ZBTB46: variants seen among roughly 807,000 people sequenced by gnomAD.
The protein encoded by ZBTB46 is zinc finger and BTB domain containing 46, also known as zinc finger and BTB domain-containing protein 46.
ZBTB46 carries 8 observed loss-of-function variants against 44.1 expected under a neutral mutation model. The ratio of observed to expected loss-of-function variants is 0.18; its 90% CI spans 0.11 to 0.33. The LOEUF is 0.33. ZBTB46 is among the 10% of genes least tolerant of loss of function. The pLI, the probability that ZBTB46 is intolerant of heterozygous loss-of-function variation, is 1.00. For synonymous variants in ZBTB46, 409 were observed against 382.3 expected, an observed-to-expected ratio of 1.07 and a Z score of -0.81; for missense variants, 651 against 847.7, an observed-to-expected ratio of 0.77 and a Z score of 2.88.
At chr20:63,833,283 T>C (rs1203177761), upstream of ZBTB46, among the ~76,000 whole-genome samples, 1 of 152,242 alleles carries the variant, frequency 6.6e-6, no homozygotes, top group Non-Finnish European at 1.5e-5. Context: ...AGGTTAGGGC[T>C]GCCTGTCTTG....
At chr20:63,799,275 A>G (rs1047263914) in intron 1 of ZBTB46, among the ~76,000 whole-genome samples, 8 of 152,004 alleles carry the variant, frequency 5.3e-5, no homozygotes, top group African/African-American at 1.9e-4. Flanking sequence ...GCTGGGCTCA[A>G]GCCATCCACC....
At chr20:63,829,160 G>A (rs1448981436) in intron 1 of ZBTB46, among the ~76,000 whole-genome samples, 1 of 152,190 alleles carries the variant, frequency 6.6e-6, no homozygotes. Flanking sequence ...GGGGAGGGAC[G>A]GAGGACGCAG....
At chr20:63,755,079 T>C (rs547452858) in intron 3 of ZBTB46, among the ~76,000 whole-genome samples, 222 of 152,350 alleles carry the variant, frequency 1.5e-3, no homozygotes, top group African/African-American at 5.3e-3. Flanking sequence ...AGAATGGACA[T>C]GAGCAGGACT....
At chr20:63,809,038 C>A (rs1368663300) in intron 1 of ZBTB46, among the ~76,000 whole-genome samples, 3 of 148,144 alleles carry the variant, frequency 2.0e-5, no homozygotes, top group Non-Finnish European at 4.5e-5. Flanking sequence ...CTCCATGATT[C>A]ATGAGGTAAG....
chr20:63,802,150 C>T (rs899246096), intron 1 of ZBTB46, among the ~76,000 whole-genome samples: 15 of 152,218 alleles, frequency 9.9e-5, no homozygotes, highest in Middle Eastern at 3.4e-3. Context: ...GGGCTGGACA[C>T]GATGGCTCAC....
chr20:63,767,831 G>A lies in ZBTB46; in HGVS notation c.1222+7847C>T. 1.0e-6 allele frequency: 1 copy of A among 972,418 alleles called. No individual in the cohort carries two copies. Among genetic ancestry groups the A allele is most frequent in the Non-Finnish European group, 1.2e-6 (1 of 818,046 alleles). 60.2% of individuals were successfully genotyped at this position (972,418 alleles called of 1,614,324 possible). A position where few individuals can be genotyped will look rare whatever the true frequency, so the allele number is the denominator to read the frequency against. On this transcript the variant is annotated intron_variant, in intron 3 of 4. Coordinates refer to ENST00000245663, the MANE Select transcript of ZBTB46 (RefSeq NM_001369741.1). The surrounding 1 kb of genome is among the most constrained non-coding windows in gnomAD (Gnocchi z 5.0). ...GGGCTGGGCAAGTCCATCCAGGGCT[G>A]GGCAAGTCCATCCAGGCCTGGGCTG...
At chr20:63,769,232 G>A (rs917662841) in intron 3 of ZBTB46, 64 of 985,260 alleles carry the variant, frequency 6.5e-5, no homozygotes, top group Non-Finnish European at 6.9e-5. Flanking sequence ...GACAAAGCTG[G>A]CCACCCTGGT....
intron 4 of ZBTB46, among the ~76,000 whole-genome samples, chr20:63,751,831 G>T (rs1302729635): frequency 1.4e-5 from 2 of 139,038 alleles, no homozygotes; most frequent in South Asian, 2.4e-4. Flanking sequence ...CCCGCCCCCC[G>T]GTGGGTCTCC....
At chr20:63,759,659 C>T (rs1358489675) in intron 3 of ZBTB46, among the ~76,000 whole-genome samples, 1 of 152,200 alleles carries the variant, frequency 6.6e-6, no homozygotes, top group Admixed American at 6.5e-5. Context: ...GCACACACAA[C>T]CCGGGCAGGA....
intron 1 of ZBTB46, among the ~76,000 whole-genome samples, chr20:63,802,532 G>A (rs917280286): frequency 1.6e-4 from 24 of 152,160 alleles, no homozygotes; most frequent in South Asian, 4.1e-4. Context: ...CGGAGGCCCC[G>A]GCAAGAGGCT....
rs973429591 is a variant in ZBTB46, at chr20:63,747,259, G to A, written c.1441C>T (p.Arg481Cys). ...ACGCTGGCGGCGGACATGAAGACGCGGCTGCACACCTTGCACACATACTTC... is the reference window on the plus strand; with the variant it reads ...ACGCTGGCGGCGGACATGAAGACGCAGCTGCACACCTTGCACACATACTTC... Reference protein sequence around the residue: ...DKKYVCKVCSRVFMSAASVGI... With the variant: ...DKKYVCKVCSCVFMSAASVGI... The change falls in exon 5 of 5, where the codon CGC (arginine) becomes TGC (cysteine). Residue 481 changes from arginine to cysteine, a missense_variant. Coordinates refer to ENST00000245663, the MANE Select transcript of ZBTB46 (RefSeq NM_001369741.1). 12 of 1,553,730 alleles carry A rather than the reference G, an allele frequency of 7.7e-6. No individual in the cohort carries two copies. Among genetic ancestry groups the A allele is most frequent in the Admixed American group, 5.8e-5 (3 of 52,098 alleles).
Position 63,745,101 on chromosome 20 carries a change from G to C in ZBTB46, c.*1829C>G, listed in dbSNP as rs1421722107. 6.6e-6 allele frequency: 1 copy of C among 152,454 alleles called. No homozygotes were observed. Among genetic ancestry groups the C allele is most frequent in the African/African-American group, 2.4e-5 (1 of 41,462 alleles). 9.4% of individuals were successfully genotyped at this position (152,454 alleles called of 1,614,324 possible). On this transcript the variant is annotated 3_prime_UTR_variant, in exon 5 of 5. Coordinates refer to ENST00000245663, the MANE Select transcript of ZBTB46 (RefSeq NM_001369741.1). ...AGGGCTCCGCTGCAGCTCCCTGGTA[G>C]CCATGCTCTCCCCCTGGGGGACTCG...
intron 1 of ZBTB46, among the ~76,000 whole-genome samples, chr20:63,798,674 C>CAA (rs71197435): frequency 2.7e-4 from 5 of 18,746 alleles, no homozygotes; most frequent in East Asian, 6.9e-3. Context: ...GACTCTGTCT[C>CAA]AAAAAAAAAA....
intron 1 of ZBTB46, among the ~76,000 whole-genome samples, chr20:63,812,899 T>C (rs2092725743): frequency 6.6e-6 from 1 of 151,520 alleles, no homozygotes; most frequent in African/African-American, 2.4e-5. Context: ...ATTGACAGCA[T>C]CCCGACCAAC....
chr20:63,807,979 C>T (rs558395048), intron 1 of ZBTB46: 1 of 149,848 alleles, frequency 6.7e-6, no homozygotes, highest in Admixed American at 6.6e-5. Flanking sequence ...GGAAGCTGAA[C>T]GGACCTTCCC....
At chr20:63,781,429 C>A (rs981608627) in intron 2 of ZBTB46, among the ~76,000 whole-genome samples, 2 of 152,156 alleles carry the variant, frequency 1.3e-5, no homozygotes, top group South Asian at 4.1e-4. Context: ...GCAAAAAGAC[C>A]TGGACAGACA....
intron 2 of ZBTB46, among the ~76,000 whole-genome samples, chr20:63,786,052 A>G (rs1442801095): frequency 2.6e-5 from 4 of 152,200 alleles, no homozygotes; most frequent in African/African-American, 9.7e-5. Flanking sequence ...CCTGCCAGCG[A>G]GTTACGTGCA....
At position 63,803,005 on chromosome 20, in the gene ZBTB46, C is replaced by T. The variant is rs1457321977; in HGVS notation, c.-33-12215G>A. Reference sequence around the variant, plus strand: ...TGGCAGCCCCAGGTCACTGACGCCCCGTTTCTACCACCAAAGAGCGCGATG... The same window carrying T: ...TGGCAGCCCCAGGTCACTGACGCCCTGTTTCTACCACCAAAGAGCGCGATG... On this transcript the variant is annotated intron_variant, in intron 1 of 4. Transcript: ENST00000245663. This position sits in a 1 kb window ranked among gnomAD's most constrained non-coding sequence, Gnocchi z 4.0. Among the ~76,000 whole-genome samples, 6 of 152,274 alleles carry T rather than the reference C, an allele frequency of 3.9e-5. No individual in the cohort carries two copies. The highest frequency in any genetic ancestry group is 1.2e-4 in the African/African-American group (5 of 41,570).
At chr20:63,782,193 T>C (rs2092476361) in intron 2 of ZBTB46, among the ~76,000 whole-genome samples, 1 of 101,072 alleles carries the variant, frequency 9.9e-6, no homozygotes, top group Non-Finnish European at 2.2e-5. Context: ...ACGCCCAGGC[T>C]GCAACCCCCG....
Sources: gnomAD v4.1 joint callset for allele counts (sites outside exome capture counted in the v4.1 genomes callset) on GRCh38, gnomAD v4.1.1 for gene constraint, Gnocchi (gnomAD v3.1) non-coding constraint, MANE v1.5 for transcripts, NCBI Gene and HGNC (gene_info 2026-07-23, HGNC 2026-07-21) for gene names.